Variants in BSN observed in about 807,000 individuals in gnomAD.
BSN encodes the protein bassoon presynaptic cytomatrix protein.
A neutral mutation model predicts 264.8 loss-of-function variants in BSN; 57 were observed. The ratio of observed to expected loss-of-function variants is 0.22; its 90% CI spans 0.17 to 0.27. The LOEUF (loss-of-function observed/expected upper bound fraction) is 0.27, where lower values mean the gene tolerates loss of function less well. Ranked by LOEUF, BSN falls within the 10% of genes least tolerant of loss-of-function variation. The pLI, the probability that BSN is intolerant of heterozygous loss-of-function variation, is 1.00. For missense variants in BSN, 4,615 were observed against 5,232.5 expected (o/e 0.88, Z 3.64); for synonymous variants, 2,059 against 2,137.3 (o/e 0.96, Z 1.01).
At chr3:49,611,281 T>A (rs569879355) in intron 1 of BSN, among the ~76,000 whole-genome samples, 1 of 152,236 alleles carries the variant, frequency 6.6e-6, no homozygotes, top group Non-Finnish European at 1.5e-5. Flanking sequence ...GGATTTGCAG[T>A]AGCTGGAACC....
chr3:49,664,761 C>A (rs761550012), intron 9 of BSN, 38 bp from the exon 10 acceptor site: 14 of 1,612,900 alleles, frequency 8.7e-6, no homozygotes, highest in Non-Finnish European at 1.2e-5. Flanking sequence ...GGGTCTGGCC[C>A]AATTTCCTGA....
Position 49,657,458 on chromosome 3 carries a change from C to T in BSN, c.7902C>T (p.Pro2634=). 1 of 1,613,044 alleles carries T rather than the reference C, an allele frequency of 6.2e-7. No homozygotes were observed. The highest frequency in any genetic ancestry group is 8.5e-7 in the Non-Finnish European group (1 of 1,179,884). The change falls in exon 5 of 12, where the codon CCC becomes CCT. Residue 2634 remains proline, a synonymous_variant. Coordinates refer to ENST00000296452, the MANE Select transcript of BSN (RefSeq NM_003458.4). ...QPVRRRRSRL[P]RHSDSGSDSK... The stretch of plus-strand genomic sequence containing the variant: ...TGCGCCGCCGCAGGTCTCGTCTTCC[C>T]CGCCACTCAGACTCAGGCTCTGACA...
rs759191061 is a variant in BSN at position 49,663,861 on chromosome 3, G to A, written c.11583G>A (p.Gln3861=). 1 of 1,614,050 alleles carries A rather than the reference G, an allele frequency of 6.2e-7. No individual in the cohort carries two copies. Among genetic ancestry groups the A allele is most frequent in the Admixed American group, 1.7e-5 (1 of 60,032 alleles). The change falls in exon 8 of 12, where the codon CAG becomes CAA. Residue 3861 remains glutamine, a synonymous_variant. Transcript: ENST00000296452. ...APQQGRAPQA[Q]PAPGPGPAGV... ...AACAGGGGAGGGCTCCTCAGGCCCA[G>A]CCAGCACCAGGACCTGGACCTGCAG...
chr3:49,624,317 T>TTTTTTTTTTTTTTTGG (rs1559607969), intron 1 of BSN, among the ~76,000 whole-genome samples: 1 of 127,792 alleles, frequency 7.8e-6, no homozygotes, highest in Non-Finnish European at 1.7e-5. Context: ...TTTTTTTTTT[T>TTTTTTTTTTTTTTTGG]AGACAGGGTC....
At chr3:49,636,930 G>A (rs1241463424) in intron 2 of BSN, among the ~76,000 whole-genome samples, 1 of 152,264 alleles carries the variant, frequency 6.6e-6, no homozygotes, top group African/African-American at 2.4e-5. Flanking sequence ...TTGTTGTCCA[G>A]GGGGCATGGG....
At chr3:49,621,711 G>A (rs1371225039) in intron 1 of BSN, among the ~76,000 whole-genome samples, 1 of 151,928 alleles carries the variant, frequency 6.6e-6, no homozygotes, top group Non-Finnish European at 1.5e-5. Context: ...AGTGAGTGGA[G>A]GCAGTTCTTT....
intron 3 of BSN, among the ~76,000 whole-genome samples, chr3:49,646,994 C>T (rs183545634): frequency 6.6e-6 from 1 of 152,296 alleles, no homozygotes; most frequent in East Asian, 1.9e-4. Flanking sequence ...CAAGATGACC[C>T]CTGGGCATCC....
intron 1 of BSN, among the ~76,000 whole-genome samples, chr3:49,573,479 C>T (rs1316212275): frequency 6.6e-6 from 1 of 152,168 alleles, no homozygotes; most frequent in Non-Finnish European, 1.5e-5. Flanking sequence ...TTCTGTCTTT[C>T]CTGTCCCCTC....
chr3:49,612,660 G>T lies in BSN; in HGVS notation c.225-12315G>T, dbSNP rs535402734. 7.2e-5 allele frequency among the ~76,000 whole-genome samples: 11 copies of T among 152,296 alleles called. No individual in the cohort carries two copies. The South Asian group carries it at 1.2e-3, about 17-fold the overall frequency. ...CAAGGAATTGAGCAGGGTGTGGCAG[G>T]TGAGGGGAAAACTATGGGTTGCCAG... On this transcript the variant is annotated intron_variant, in intron 1 of 11. Transcript: ENST00000296452.
intron 1 of BSN, among the ~76,000 whole-genome samples, chr3:49,574,630 CTTTTT>C (rs60300269): frequency 3.9e-5 from 2 of 51,920 alleles, no homozygotes; most frequent in Non-Finnish European, 3.5e-5. Flanking sequence ...GGTGGGGTTT[CTTTTT>C]TTTTTTTTTT....
intron 1 of BSN, among the ~76,000 whole-genome samples, chr3:49,599,141 T>C (rs940289161): frequency 6.6e-6 from 1 of 152,178 alleles, no homozygotes; most frequent in African/African-American, 2.4e-5. Context: ...TCCATCAGTG[T>C]TTGGCCAGAG....
intron 3 of BSN, among the ~76,000 whole-genome samples, chr3:49,646,113 A>G (rs1340456489): frequency 6.6e-6 from 1 of 152,194 alleles, no homozygotes; most frequent in African/African-American, 2.4e-5. Flanking sequence ...TTCTTTCTAG[A>G]TTGGGAGTTC....
chr3:49,666,390 T>C (rs1332017482), intron 11 of BSN, among the ~76,000 whole-genome samples: 1 of 152,254 alleles, frequency 6.6e-6, no homozygotes, highest in Non-Finnish European at 1.5e-5. Flanking sequence ...GCCCCAGGTA[T>C]GTGCCAGGCA....
intron 2 of BSN, among the ~76,000 whole-genome samples, chr3:49,634,639 G>A (rs1320792568): frequency 6.6e-6 from 1 of 152,110 alleles, no homozygotes; most frequent in Non-Finnish European, 1.5e-5. Context: ...TGATCCACAC[G>A]CCTCACCCTC....
chr3:49,588,755 T>A (rs2051954431), intron 1 of BSN, among the ~76,000 whole-genome samples: 1 of 152,230 alleles, frequency 6.6e-6, no homozygotes, highest in Non-Finnish European at 1.5e-5. Context: ...TTTCTGTTAT[T>A]GATTTCTAAT....
At chr3:49,586,204 G>C (rs1161206959) in intron 1 of BSN, among the ~76,000 whole-genome samples, 2 of 152,124 alleles carry the variant, frequency 1.3e-5, no homozygotes, top group Non-Finnish European at 2.9e-5. Flanking sequence ...GTTTCCTATA[G>C]TAGTTTCACA....
Position 49,625,493 on chromosome 3 carries a change from C to A in BSN, c.633+110C>A. 1.8e-6 allele frequency: 2 copies of A among 1,139,784 alleles called. No individual in the cohort carries two copies. The highest frequency in any genetic ancestry group is 2.3e-6 in the Non-Finnish European group (2 of 862,078). The allele number at this position is 1,139,784 out of a possible 1,614,324, so 70.6% of individuals were successfully genotyped here. A position where few individuals can be genotyped will look rare whatever the true frequency, so the allele number is the denominator to read the frequency against. ...CTCTTTTCCTGGTCATTTCCCTTGA[C>A]CACCAGCATTTGTGTCCTCCTGCAG... On this transcript the variant is annotated intron_variant, in intron 2 of 11. Coordinates refer to ENST00000296452, the MANE Select transcript of BSN (RefSeq NM_003458.4). This position sits in a 1 kb window ranked among gnomAD's most constrained non-coding sequence, Gnocchi z 4.4.
chr3:49,650,536 A>C, intron 3 of BSN, 76 bp from the exon 4 acceptor site: 11 of 1,357,818 alleles, frequency 8.1e-6, no homozygotes, highest in Non-Finnish European at 1.1e-5. Context: ...GGTTACAGAA[A>C]TAGTTATGGA....
downstream of BSN, among the ~76,000 whole-genome samples, chr3:49,673,087 CTTT>C (rs71080543): frequency 1.4e-3 from 60 of 43,208 alleles, no homozygotes; most frequent in South Asian, 0.011. Context: ...CCGGCCGGGA[CTTT>C]TTTTTTTTTT....
Sources: gnomAD v4.1 joint callset for allele counts (sites outside exome capture counted in the v4.1 genomes callset) on GRCh38, gnomAD v4.1.1 for gene constraint, Gnocchi (gnomAD v3.1) non-coding constraint, MANE v1.5 for transcripts, NCBI Gene and HGNC (gene_info 2026-07-23, HGNC 2026-07-21) for gene names.